The following PACS1 variants were observed in gnomAD, a reference collection of about 807,000 sequenced individuals.
The protein encoded by PACS1 is PACS-1.
Under a neutral mutation model 115.0 loss-of-function variants are expected in PACS1, and 24 were observed. The ratio of observed to expected loss-of-function variants is 0.21; its 90% CI spans 0.15 to 0.29. The LOEUF (loss-of-function observed/expected upper bound fraction) is 0.29. Ranked by LOEUF, PACS1 falls within the 10% of genes least tolerant of loss-of-function variation. PACS1 has a pLI of 1.00. For synonymous variants in PACS1, 453 were observed against 504.5 expected, an observed-to-expected ratio of 0.90 and a Z score of 1.37; for missense variants, 838 against 1,251.2, an observed-to-expected ratio of 0.67 and a Z score of 4.98.
chr11:66,132,224 T>C (rs1858720601), intron 1 of PACS1, among the ~76,000 whole-genome samples: 1 of 151,738 alleles, frequency 6.6e-6, no homozygotes, highest in African/African-American at 2.4e-5. Context: ...CTGATGGTTT[T>C]ATAAATGGTG....
chr11:66,129,619 T>C (rs1177248873), intron 1 of PACS1, among the ~76,000 whole-genome samples: 1 of 151,690 alleles, frequency 6.6e-6, no homozygotes, highest in African/African-American at 2.4e-5. Context: ...GTAAGAAGGG[T>C]TTTTGTGTAT....
At chr11:66,176,834 A>G (rs1859875928) in intron 1 of PACS1, among the ~76,000 whole-genome samples, 1 of 151,882 alleles carries the variant, frequency 6.6e-6, no homozygotes, top group Admixed American at 6.6e-5. Context: ...GTGAGCTCCG[A>G]CTCATCCTTA....
At chr11:66,155,204 T>A (rs1859323841) in intron 1 of PACS1, among the ~76,000 whole-genome samples, 1 of 152,204 alleles carries the variant, frequency 6.6e-6, no homozygotes, top group African/African-American at 2.4e-5. Flanking sequence ...AAAACGTTCA[T>A]GTGACTTCTG....
chr11:66,120,627 G>C (rs930689023), intron 1 of PACS1, among the ~76,000 whole-genome samples: 12 of 152,164 alleles, frequency 7.9e-5, no homozygotes, highest in African/African-American at 2.9e-4. Flanking sequence ...TAATATAGCT[G>C]TGGTTCAAAG....
At chr11:66,193,250 G>C (rs919651635) in intron 1 of PACS1, among the ~76,000 whole-genome samples, 1 of 152,168 alleles carries the variant, frequency 6.6e-6, no homozygotes, top group African/African-American at 2.4e-5. Flanking sequence ...AGGCCAAGAC[G>C]GGGAGGATCC....
chr11:66,197,479 T>C (rs1171608711), intron 2 of PACS1, among the ~76,000 whole-genome samples: 1 of 152,182 alleles, frequency 6.6e-6, no homozygotes, highest in African/African-American at 2.4e-5. Flanking sequence ...AGAGAGTTAA[T>C]GGTGTAGTAT....
At chr11:66,152,821 A>C (rs535678865) in intron 1 of PACS1, among the ~76,000 whole-genome samples, 9 of 152,362 alleles carry the variant, frequency 5.9e-5, no homozygotes, top group African/African-American at 2.2e-4. Context: ...GAAATGAAGG[A>C]GGCCAGAAGA....
intron 4 of PACS1, among the ~76,000 whole-genome samples, chr11:66,211,513 A>G (rs2134700711): frequency 6.6e-6 from 1 of 152,368 alleles, no homozygotes; most frequent in Middle Eastern, 3.4e-3. Flanking sequence ...AAACTTTCAG[A>G]AAAGTTACAA....
intron 1 of PACS1, among the ~76,000 whole-genome samples, chr11:66,072,801 C>T (rs1312690168): frequency 6.6e-6 from 1 of 152,198 alleles, no homozygotes; most frequent in Non-Finnish European, 1.5e-5. Flanking sequence ...TGTTTGGTGA[C>T]GTTTGGGCAG....
intron 1 of PACS1, among the ~76,000 whole-genome samples, chr11:66,111,586 A>G (rs1858186966): frequency 6.6e-6 from 1 of 152,166 alleles, no homozygotes; most frequent in Non-Finnish European, 1.5e-5. Flanking sequence ...TCAGTCAACT[A>G]TATTATCCAC....
intron 1 of PACS1, among the ~76,000 whole-genome samples, chr11:66,081,425 C>G (rs142358246): frequency 2.0e-5 from 3 of 151,852 alleles, no homozygotes; most frequent in African/African-American, 7.3e-5. Flanking sequence ...CCTGCCCCCC[C>G]CAACCAAAAC....
chr11:66,219,226 G>A (rs1421515426), intron 7 of PACS1, among the ~76,000 whole-genome samples: 1 of 151,952 alleles, frequency 6.6e-6, no homozygotes, highest in African/African-American at 2.4e-5. Context: ...GTCACAGATG[G>A]AAAAGGGAGG....
intron 1 of PACS1, among the ~76,000 whole-genome samples, chr11:66,143,167 C>G (rs1213999306): frequency 1.3e-5 from 2 of 152,124 alleles, no homozygotes; most frequent in Non-Finnish European, 2.9e-5. Flanking sequence ...AGGAGTCTTG[C>G]AATTGAATTA....
chr11:66,156,531 C>T (rs941019988), intron 1 of PACS1, among the ~76,000 whole-genome samples: 2 of 151,862 alleles, frequency 1.3e-5, no homozygotes, highest in African/African-American at 4.8e-5. Flanking sequence ...AGGCGTGAGC[C>T]ACTGCACCTG....
chr11:66,129,686 G>C (rs1425154997), intron 1 of PACS1, among the ~76,000 whole-genome samples: 1 of 151,950 alleles, frequency 6.6e-6, no homozygotes. Context: ...AGCACTGCCA[G>C]GCAGCAGGGA....
At chr11:66,108,209 T>C (rs1307257958) in intron 1 of PACS1, among the ~76,000 whole-genome samples, 1 of 152,138 alleles carries the variant, frequency 6.6e-6, no homozygotes, top group African/African-American at 2.4e-5. Context: ...TGGTTTCTGG[T>C]GAGGCCTTTC....
intron 4 of PACS1, among the ~76,000 whole-genome samples, chr11:66,214,684 C>T (rs1390814888): frequency 7.0e-6 from 1 of 143,000 alleles, no homozygotes; most frequent in Non-Finnish European, 1.5e-5. Context: ...TGCAGTGGTG[C>T]AATCACAGCT....
chr11:66,141,367 T>C (rs1050338301), intron 1 of PACS1, among the ~76,000 whole-genome samples: 8 of 152,034 alleles, frequency 5.3e-5, no homozygotes, highest in East Asian at 3.9e-4. Context: ...TGAAAGCTCA[T>C]TGTAGGCCAG....
At chr11:66,229,662 G>A (rs1855541909) in intron 11 of PACS1, among the ~76,000 whole-genome samples, 1 of 152,032 alleles carries the variant, frequency 6.6e-6, no homozygotes, top group Admixed American at 6.6e-5. Flanking sequence ...TTGGGCGACA[G>A]AGCAAGACTC....
Sources: allele counts gnomAD v4.1 joint callset (sites outside exome capture counted in the v4.1 genomes callset), GRCh38; gene constraint gnomAD v4.1.1; transcripts MANE v1.5; gene names NCBI Gene and HGNC (gene_info 2026-07-23, HGNC 2026-07-21).